FAT4: variants seen among roughly 807,000 people sequenced by gnomAD.
The protein encoded by FAT4 is FAT atypical cadherin 4.
In FAT4, 84 loss-of-function variants were observed where a neutral mutation model predicts 303.9. That is an observed-to-expected ratio of 0.28 (90% CI 0.23 to 0.33). The LOEUF is 0.33. FAT4 is among the 10% of genes least tolerant of loss of function. The pLI is 1.00. For synonymous variants in FAT4, 2,307 were observed against 2,298.8 expected, an observed-to-expected ratio of 1.00 and a Z score of -0.10; for missense variants, 6,005 against 6,146.8, an observed-to-expected ratio of 0.98 and a Z score of 0.77.
chr4:125,346,218 T>C (rs1388590529), intron 2 of FAT4, among the ~76,000 whole-genome samples: 1 of 152,072 alleles, frequency 6.6e-6, no homozygotes, highest in Non-Finnish European at 1.5e-5. Context: ...GAAAGCTGTG[T>C]GTAATTTTGT....
intron 2 of FAT4, among the ~76,000 whole-genome samples, chr4:125,350,129 G>T (rs1732167456): frequency 6.6e-6 from 1 of 151,194 alleles, no homozygotes; most frequent in African/African-American, 2.4e-5. Context: ...GACAGTTCTT[G>T]CAGGAATACA....
chr4:125,392,070 A>G (rs927457754), intron 2 of FAT4, among the ~76,000 whole-genome samples: 7 of 152,162 alleles, frequency 4.6e-5, no homozygotes, highest in Non-Finnish European at 8.8e-5. Flanking sequence ...CAGTATCCTG[A>G]AGATATTTGC....
intron 3 of FAT4, among the ~76,000 whole-genome samples, chr4:125,405,216 CTATT>C (rs1243310777): frequency 6.6e-6 from 1 of 151,910 alleles, no homozygotes; most frequent in African/African-American, 2.4e-5. Context: ...TTGTTAATGG[CTATT>C]TAGTTTGTTT....
intron 12 of FAT4, among the ~76,000 whole-genome samples, chr4:125,474,986 T>A (rs1560630254): frequency 1.3e-5 from 2 of 152,230 alleles, no homozygotes; most frequent in East Asian, 3.9e-4. Flanking sequence ...AATGAATAGT[T>A]GCATTGTATT....
At chr4:125,393,732 C>T (rs956177456) in intron 2 of FAT4, among the ~76,000 whole-genome samples, 1 of 151,934 alleles carries the variant, frequency 6.6e-6, no homozygotes, top group African/African-American at 2.4e-5. Context: ...AATTTGGTAA[C>T]AATATTTAAA....
In FAT4 at chr4:125,492,109, A is replaced by T. The variant is rs1727674262; in HGVS notation, c.*341A>T. 4.2e-6 allele frequency: 1 copy of T among 240,058 alleles called. No individual in the cohort carries two copies. Among genetic ancestry groups the T allele is most frequent in the South Asian group, 7.8e-5 (1 of 12,856 alleles). The allele number at this position is 240,058 out of a possible 1,614,324, so 14.9% of individuals were successfully genotyped here. On this transcript the variant is annotated 3_prime_UTR_variant, in exon 18 of 18. Transcript: ENST00000394329. Reference sequence around the variant, plus strand: ...TGCAGAAAAGAACTTGTGCTTTCCCAGTGGCGTATGTGTATTGTTTCAACT... The same window carrying T: ...TGCAGAAAAGAACTTGTGCTTTCCCTGTGGCGTATGTGTATTGTTTCAACT...
intron 6 of FAT4, among the ~76,000 whole-genome samples, chr4:125,416,213 A>T (rs919406075): frequency 2.6e-5 from 4 of 152,206 alleles, no homozygotes; most frequent in Non-Finnish European, 4.4e-5. Flanking sequence ...GCTCTTAAAA[A>T]TTTTTATGAA....
At chr4:125,377,261 G>A (rs887283182) in intron 2 of FAT4, among the ~76,000 whole-genome samples, 1 of 151,948 alleles carries the variant, frequency 6.6e-6, no homozygotes, top group African/African-American at 2.4e-5. Context: ...AGGAAAAGAA[G>A]CCTTTACTAT....
intron 2 of FAT4, among the ~76,000 whole-genome samples, chr4:125,349,207 A>T (rs1356817831): frequency 3.3e-5 from 5 of 151,810 alleles, no homozygotes; most frequent in Non-Finnish European, 5.9e-5. Context: ...ATTTGTTTTG[A>T]ATTTTCCAGT....
At chr4:125,351,484 T>G (rs1245687441) in intron 2 of FAT4, among the ~76,000 whole-genome samples, 1 of 151,716 alleles carries the variant, frequency 6.6e-6, no homozygotes, top group Non-Finnish European at 1.5e-5. Flanking sequence ...TCTTAAGAAA[T>G]TATTTTTTTC....
intron 2 of FAT4, among the ~76,000 whole-genome samples, chr4:125,383,819 C>G (rs1471056777): frequency 6.6e-6 from 1 of 152,014 alleles, no homozygotes; most frequent in Non-Finnish European, 1.5e-5. Context: ...TTAAGAGGTA[C>G]CTCTTTAAAT....
At chr4:125,388,304 G>C (rs1733841979) in intron 2 of FAT4, among the ~76,000 whole-genome samples, 1 of 152,116 alleles carries the variant, frequency 6.6e-6, no homozygotes, top group Non-Finnish European at 1.5e-5. Flanking sequence ...GTCTACCGTA[G>C]TTTGTACCTT....
chr4:125,400,552 G>T (rs1233215930), intron 3 of FAT4, among the ~76,000 whole-genome samples: 1 of 151,844 alleles, frequency 6.6e-6, no homozygotes, highest in Non-Finnish European at 1.5e-5. Flanking sequence ...TTGTGTATGT[G>T]TGCACACACT....
intron 3 of FAT4, among the ~76,000 whole-genome samples, chr4:125,399,337 A>G (rs891381702): frequency 3.3e-5 from 5 of 151,988 alleles, no homozygotes; most frequent in African/African-American, 9.7e-5. Context: ...ACTATTTTCT[A>G]TATTTATATA....
rs145393529 is a variant in FAT4 at position 125,472,429 on chromosome 4, A to T, written c.12213+3610A>T. Among the ~76,000 whole-genome samples, 1,261 of 152,268 alleles carry T rather than the reference A, an allele frequency of 8.3e-3. 17 individuals carry two copies. The highest frequency in any genetic ancestry group is 0.029 in the African/African-American group (1,213 of 41,560). Reference sequence around the variant, plus strand: ...GTAATATTTAAAATGTTTTTAACCAAGCTTTTGCTAGTTTTTTTCCCTATG... The same window carrying T: ...GTAATATTTAAAATGTTTTTAACCATGCTTTTGCTAGTTTTTTTCCCTATG... On this transcript the variant is annotated intron_variant, in intron 12 of 17. Transcript: ENST00000394329.
intron 2 of FAT4, among the ~76,000 whole-genome samples, chr4:125,393,626 T>C (rs1734055210): frequency 6.6e-6 from 1 of 152,208 alleles, no homozygotes; most frequent in Non-Finnish European, 1.5e-5. Context: ...TATTATTTTA[T>C]GCACTATTCC....
Position 125,451,004 on chromosome 4 carries a change from G to T in FAT4, c.9994G>T (p.Asp3332Tyr), listed in dbSNP as rs754136384. Residue 3332 changes from aspartate (D) to tyrosine (Y), a missense_variant, in exon 10 of 18, where the codon GAT becomes TAT. Transcript: ENST00000394329. ...TGCTAGCGACCGTGATTTGGGCACTGATGGGGAGGTACACTATTTGATTTT... is the reference window on the plus strand; with the variant it reads ...TGCTAGCGACCGTGATTTGGGCACTTATGGGGAGGTACACTATTTGATTTT... ...VFASDRDLGT[D>Y]GEVHYLIFGN... is the part of the protein sequence containing the mutation. 1.9e-6 allele frequency: 3 copies of T among 1,614,182 alleles called. No homozygotes were observed. The highest frequency in any genetic ancestry group is 3.3e-5 in the Admixed American group (2 of 60,014).
chr4:125,398,796 C>G lies in FAT4; in HGVS notation c.5188C>G (p.Leu1730Val). The G allele has an allele frequency of 6.2e-7, 1 of 1,612,988 alleles. No individual in the cohort carries two copies. Among genetic ancestry groups the G allele is most frequent in the Non-Finnish European group, 8.5e-7 (1 of 1,179,218 alleles). ...RTQRAEVEIT[L>V]QDINDNPPVF... The stretch of plus-strand genomic sequence containing the variant: ...TTTTTCTTTGTAGGTAGAAATAACA[C>G]TTCAGGATATCAATGACAATCCACC... The change falls in exon 3 of 18, where the codon CTT (leucine) becomes GTT (valine). Residue 1730 changes from leucine to valine, a missense_variant. Coordinates refer to ENST00000394329, the MANE Select transcript of FAT4 (RefSeq NM_001291303.3).
chr4:125,320,289 T>C lies in FAT4; in HGVS notation c.3878T>C (p.Ile1293Thr), dbSNP rs1730879390. ...ATTCAAGCAGTGGATTCAGGGACAA[T>C]CCCCCTCAATTCAACGTGTACTTTA... is the stretch of plus-strand genomic sequence containing the variant. ...LVIQAVDSGT[I>T]PLNSTCTLNI... Residue 1293 changes from isoleucine (I) to threonine (T), a missense_variant, in exon 2 of 18, where the codon ATC (isoleucine) becomes ACC (threonine). Coordinates refer to ENST00000394329, the MANE Select transcript of FAT4 (RefSeq NM_001291303.3). 6.2e-7 allele frequency: 1 copy of C among 1,613,786 alleles called. No individual in the cohort carries two copies. The highest frequency in any genetic ancestry group is 1.3e-5 in the African/African-American group (1 of 74,912).
Sources: allele counts gnomAD v4.1 joint callset (sites outside exome capture counted in the v4.1 genomes callset), GRCh38; gene constraint gnomAD v4.1.1; transcripts MANE v1.5; gene names NCBI Gene and HGNC (gene_info 2026-07-23, HGNC 2026-07-21).